The following MPRIP variants were observed in gnomAD, a reference collection of about 807,000 sequenced individuals.
MPRIP encodes the protein myosin phosphatase Rho-interacting protein.
Under a neutral mutation model 234.9 loss-of-function variants are expected in MPRIP, and 59 were observed. The observed-to-expected ratio is 0.25, with a 90% CI of 0.20 to 0.31. The LOEUF is 0.31. Among genes scored for constraint, MPRIP ranks in the 10% least tolerant of loss-of-function variants. The probability of loss-of-function intolerance (pLI) is 1.00; values close to 1 mark genes in which losing one functional copy is unlikely to be tolerated. For missense variants in MPRIP, 2,436 were observed against 3,071.0 expected (o/e 0.79, Z 4.89); for synonymous variants, 1,144 against 1,263.9 (o/e 0.91, Z 2.01).
chr17:17,164,484 C>G lies in MPRIP; in HGVS notation c.2893C>G (p.Leu965Val). 8.2e-7 allele frequency: 1 copy of G among 1,215,148 alleles called. No homozygotes were observed. The highest frequency in any genetic ancestry group is 1.0e-6 in the Non-Finnish European group (1 of 952,492). 75.3% of individuals were successfully genotyped at this position (1,215,148 alleles called of 1,614,324 possible). Reference protein sequence around the residue: ...SEQKLKSAEALLLEKTQELRG... With the variant: ...SEQKLKSAEAVLLEKTQELRG... ...GCAGAAGCTCAAGAGTGCTGAGGCC[C>G]TGCTGCTGGAGAAGACGCAGGAGCT... The change falls in exon 16 of 24, where the codon CTG becomes GTG. Residue 965 changes from leucine (L) to valine (V), a missense_variant. Around this residue, in one of 4 missense-constraint regions of MPRIP, gnomAD observed 1,998 missense variants for 2,520.3 expected, o/e 0.79. Transcript: ENST00000651222.
rs1357840936 is a variant in MPRIP, at chr17:17,192,049, CAG to C, written c.*7156_*7157del. The stretch of plus-strand genomic sequence containing the variant: ...CACAGCTGTGCCCTTCTGTCAGGGT[CAG>C]TGTCAAAATTCGTTATCAAAGGCAA... On this transcript the variant is annotated 3_prime_UTR_variant, in exon 24 of 24. Transcript: ENST00000651222. 2.3e-4 allele frequency: 35 copies of C among 152,220 alleles called. No homozygotes were observed. Among genetic ancestry groups the C allele is most frequent in the African/African-American group, 5.5e-4 (23 of 41,510 alleles). 9.4% of individuals were successfully genotyped at this position (152,220 alleles called of 1,614,324 possible). A position where few individuals can be genotyped will look rare whatever the true frequency, so the allele number is the denominator to read the frequency against.
intron 21 of MPRIP, 31 bp from the exon 22 acceptor site, chr17:17,177,219 A>G: frequency 6.2e-7 from 1 of 1,601,264 alleles, no homozygotes. Context: ...TCCTGGATGT[A>G]ACTACCATTC....
chr17:17,137,892 C>G, intron 6 of MPRIP, 24 bp from the exon 7 acceptor site: 1 of 1,548,194 alleles, frequency 6.5e-7, no homozygotes, highest in African/African-American at 1.4e-5. Context: ...GAGTGCGTCT[C>G]CTCCCTCCCA....
chr17:17,184,237 T>TA (rs2046429399), intron 23 of MPRIP, among the ~76,000 whole-genome samples: 1 of 152,238 alleles, frequency 6.6e-6, no homozygotes, highest in African/African-American at 2.4e-5. Flanking sequence ...TTGAAAATCT[T>TA]ACTAGATACG....
chr17:17,158,442 G>A lies in MPRIP; in HGVS notation c.1840G>A (p.Glu614Lys), dbSNP rs774400870. ...TAPDVTSSLP[E>K]EKNKSSCSFE... The stretch of plus-strand genomic sequence containing the variant: ...CCTCCTGCCCCACAGCTCGTTGCCA[G>A]AGGAAAAAAACAAGAGCAGCTGCTC... Residue 614 changes from glutamate to lysine, a missense_variant, in exon 14 of 24, where the codon GAG (glutamate) becomes AAG (lysine). By Grantham distance (56) the Glu-to-Lys change is moderately conservative. This residue lies in a region of MPRIP where 1,998 missense variants were observed against 2,520.3 expected (regional missense o/e 0.79). Transcript: ENST00000651222. The A allele has an allele frequency of 2.6e-6, 4 of 1,567,650 alleles. No individual in the cohort carries two copies. In the South Asian group the frequency reaches 4.6e-5, roughly 18 times the overall value.
chr17:17,111,807 C>T (rs560093966), intron 3 of MPRIP, among the ~76,000 whole-genome samples: 12 of 152,234 alleles, frequency 7.9e-5, no homozygotes, highest in Admixed American at 3.9e-4. Context: ...CTCCCTCAAG[C>T]GGGCCGCCTT....
chr17:17,168,669 CAT>C (rs1482425537), intron 16 of MPRIP: 1 of 358,776 alleles, frequency 2.8e-6, no homozygotes, highest in African/African-American at 2.1e-5. Context: ...CCACACCCAC[CAT>C]GTGTGGCTGT....
rs1037226677 is a variant in MPRIP, at chr17:17,164,317, C to G, written c.2726C>G (p.Ala909Gly). 1 of 1,303,678 alleles carries G rather than the reference C, an allele frequency of 7.7e-7. No homozygotes were observed. The highest frequency in any genetic ancestry group is 1.0e-6 in the Non-Finnish European group (1 of 988,960). The allele number at this position is 1,303,678 out of a possible 1,614,324, so 80.8% of individuals were successfully genotyped here. A position where few individuals can be genotyped will look rare whatever the true frequency, so the allele number is the denominator to read the frequency against. The change falls in exon 16 of 24, where the codon GCG becomes GGG. Residue 909 changes from alanine (A) to glycine (G), a missense_variant. Transcript: ENST00000651222. ...IRSLQARLSN[A>G]AAELAIKEQA... Reference sequence around the variant, plus strand: ...AGCCTTCAGGCACGGCTCAGCAATGCGGCCGCTGAGCTAGCCATCAAGGAG... The same window carrying G: ...AGCCTTCAGGCACGGCTCAGCAATGGGGCCGCTGAGCTAGCCATCAAGGAG...
In MPRIP at chr17:17,158,642, C is replaced by T. The variant is rs374360000; in HGVS notation, c.2040C>T (p.Gly680=). 68 of 1,601,242 alleles carry T rather than the reference C, an allele frequency of 4.2e-5. No homozygotes were observed. The highest frequency in any genetic ancestry group is 5.2e-5 in the Non-Finnish European group (61 of 1,174,772). Reference sequence around the variant, plus strand: ...CCCTGGCTCAGGAGCGGGTGGGCGGCGTGGGGCCTGCTGACACCCACGAGC... The same window carrying T: ...CCCTGGCTCAGGAGCGGGTGGGCGGTGTGGGGCCTGCTGACACCCACGAGC... ...QQALAQERVG[G]VGPADTHEPL... is the part of the protein sequence containing the mutation. Residue 680 remains glycine, a synonymous_variant, in exon 14 of 24, where the codon GGC becomes GGT. Coordinates refer to ENST00000651222, the MANE Select transcript of MPRIP (RefSeq NM_001364716.4).
chr17:17,129,317 C>T (rs893064102), intron 4 of MPRIP, among the ~76,000 whole-genome samples: 5 of 152,220 alleles, frequency 3.3e-5, no homozygotes, highest in Non-Finnish European at 5.9e-5. Context: ...CATCCGGGCT[C>T]TGCCGTCCCT....
chr17:17,082,313 G>C (rs74353484), intron 3 of MPRIP, among the ~76,000 whole-genome samples: 1 of 5,504 alleles, frequency 1.8e-4, no homozygotes, highest in African/African-American at 7.5e-4. Flanking sequence ...TTTTTTTTTT[G>C]AGACGGAGTT....
In MPRIP at chr17:17,150,215, CTA is replaced by C; in HGVS notation, c.1703_1704del (p.Tyr568TrpfsTer56). On this transcript the variant is annotated frameshift_variant, in exon 12 of 24. Coordinates refer to ENST00000651222, the MANE Select transcript of MPRIP (RefSeq NM_001364716.4). LOFTEE classifies it high-confidence loss of function. ...TCACAGAGTATCCAGTTCAGAGAAA[CTA>C]TGGCTTCCAGATACATGTGAGTCCA... ...DVTEYPVQRN[Y>X]GFQIHTKEGE... 6.2e-7 allele frequency: 1 copy of C among 1,612,906 alleles called. No individual in the cohort carries two copies. The highest frequency in any genetic ancestry group is 8.5e-7 in the Non-Finnish European group (1 of 1,179,074).
intron 3 of MPRIP, among the ~76,000 whole-genome samples, chr17:17,095,344 A>T (rs1744879675): frequency 6.6e-6 from 1 of 152,178 alleles, no homozygotes; most frequent in Admixed American, 6.5e-5. Context: ...ATCGACTGGC[A>T]GGCTTTGCCT....
intron 12 of MPRIP, among the ~76,000 whole-genome samples, chr17:17,152,371 C>T (rs540569084): frequency 2.1e-4 from 32 of 152,378 alleles, no homozygotes; most frequent in African/African-American, 7.0e-4. Flanking sequence ...GAACTCACCC[C>T]GCTCTCCTAG....
In MPRIP at chr17:17,185,751, GTT is replaced by G; in HGVS notation, c.*866_*867del. On this transcript the variant is annotated 3_prime_UTR_variant, in exon 24 of 24. Transcript: ENST00000651222. ...AATGGGGGAAGGTTTGGGGGTTTGG[GTT>G]TTTTTTTTACCTTTTGGAAAAGAAA... 1 of 302,488 alleles carries G rather than the reference GTT, an allele frequency of 3.3e-6. No individual in the cohort carries two copies. 18.7% of individuals were successfully genotyped at this position (302,488 alleles called of 1,614,324 possible). A position where few individuals can be genotyped will look rare whatever the true frequency, so the allele number is the denominator to read the frequency against.
chr17:17,168,837 C>T (rs530507559), intron 16 of MPRIP: 40 of 456,828 alleles, frequency 8.8e-5, no homozygotes, highest in African/African-American at 4.6e-4. Context: ...CAGAGCCAGG[C>T]GCGCACACAG....
At chr17:17,069,590 A>AT (rs988534289) in intron 1 of MPRIP, among the ~76,000 whole-genome samples, 1 of 146,162 alleles carries the variant, frequency 6.8e-6, no homozygotes, top group Non-Finnish European at 1.5e-5. Flanking sequence ...CTTTGTATAT[A>AT]TTTTTTACTG....
chr17:17,128,972 T>C (rs1760927052), intron 4 of MPRIP, among the ~76,000 whole-genome samples: 1 of 152,178 alleles, frequency 6.6e-6, no homozygotes, highest in African/African-American at 2.4e-5. Flanking sequence ...ACATCAAAGC[T>C]GGTCCCTAAG....
intron 18 of MPRIP, 144 bp downstream of exon 18, chr17:17,172,959 C>T: frequency 1.5e-6 from 1 of 657,844 alleles, no homozygotes; most frequent in Non-Finnish European, 2.6e-6. Context: ...AGCTCAGATG[C>T]CCTCTTGTCC....
Sources: gnomAD v4.1 joint callset for allele counts (sites outside exome capture counted in the v4.1 genomes callset) on GRCh38, gnomAD v4.1.1 for gene constraint, gnomAD v4.1.1 regional missense constraint, MANE v1.5 for transcripts, NCBI Gene and HGNC (gene_info 2026-07-23, HGNC 2026-07-21) for gene names.